TPTE2: variants seen among roughly 807,000 people sequenced by gnomAD.
TPTE2 encodes the protein transmembrane phosphoinositide 3-phosphatase and tensin homolog 2.
TPTE2 carries 53 observed loss-of-function variants against 78.6 expected under a neutral mutation model. The ratio of observed to expected loss-of-function variants is 0.67; its 90% CI spans 0.54 to 0.85. TPTE2 has a LOEUF of 0.85. Ranked by LOEUF, TPTE2 falls within the 40% of genes least tolerant of loss-of-function variation. TPTE2 has a pLI of 0.00. For missense variants in TPTE2, 461 were observed against 623.0 expected (o/e 0.74, Z 2.77); for synonymous variants, 175 against 206.2 (o/e 0.85, Z 1.30).
chr13:19,533,806 T>C (rs573753150), intron 1 of TPTE2, among the ~76,000 whole-genome samples: 7 of 152,320 alleles, frequency 4.6e-5, no homozygotes, highest in African/African-American at 1.4e-4. Flanking sequence ...GGAAAGCCAC[T>C]GTAGAATTGT....
chr13:19,523,213 A>G (rs1037238263), intron 1 of TPTE2, among the ~76,000 whole-genome samples: 2 of 152,020 alleles, frequency 1.3e-5, no homozygotes, highest in African/African-American at 2.4e-5. Context: ...AGATTGTAGG[A>G]TGTTGGTTTT....
At chr13:19,559,233 T>C in the TPTE2 span, among the ~76,000 whole-genome samples, 65 of 152,324 alleles carry the variant, frequency 4.3e-4, no homozygotes, top group African/African-American at 1.5e-3. Flanking sequence ...TCCACAATTT[T>C]CTTTTTGAGC....
intron 13 of TPTE2, among the ~76,000 whole-genome samples, chr13:19,448,537 G>A (rs1456108917): frequency 1.3e-5 from 2 of 152,130 alleles, no homozygotes; most frequent in African/African-American, 2.4e-5. Flanking sequence ...ATTTCCCAAC[G>A]GAAATGGCCA....
At chr13:19,537,218 G>A (rs147410920), upstream of TPTE2, among the ~76,000 whole-genome samples, 1,299 of 150,444 alleles carry the variant, frequency 8.6e-3, 27 homozygotes, top group African/African-American at 0.03. Flanking sequence ...ATTTTGGGGG[G>A]TTGTCTTCTA....
intron 1 of TPTE2, among the ~76,000 whole-genome samples, chr13:19,513,195 A>G (rs1869570435): frequency 6.6e-6 from 1 of 152,216 alleles, no homozygotes; most frequent in African/African-American, 2.4e-5. Flanking sequence ...ATAAAGCTCT[A>G]TGTAAGGTTG....
At chr13:19,446,300 T>A (rs1288153179) in intron 13 of TPTE2, among the ~76,000 whole-genome samples, 1 of 152,168 alleles carries the variant, frequency 6.6e-6, no homozygotes, top group East Asian at 1.9e-4. Context: ...TCAAACCATA[T>A]TATAAAGCTA....
At chr13:19,500,266 T>C (rs1868406366) in intron 1 of TPTE2, among the ~76,000 whole-genome samples, 1 of 147,214 alleles carries the variant, frequency 6.8e-6, no homozygotes, top group Admixed American at 6.8e-5. Flanking sequence ...TTCCAATCAA[T>C]AGAAAAAGAG....
chr13:19,495,192 C>T (rs577270611), intron 1 of TPTE2, among the ~76,000 whole-genome samples: 15 of 144,478 alleles, frequency 1.0e-4, no homozygotes, highest in Non-Finnish European at 2.1e-4. Context: ...CCAAAAGTTG[C>T]GGCCAAGTAG....
chr13:19,436,185 A>G, intron 15 of TPTE2, 41 bp downstream of exon 18: 1 of 1,526,098 alleles, frequency 6.6e-7, no homozygotes, highest in Non-Finnish European at 9.0e-7. Flanking sequence ...ATCTTAACCC[A>G]CTCCCCTAAA....
At chr13:19,454,459 T>C (rs548411101) in intron 10 of TPTE2, among the ~76,000 whole-genome samples, 50 of 152,340 alleles carry the variant, frequency 3.3e-4, no homozygotes, top group Admixed American at 2.9e-3. Flanking sequence ...CTCCATGGCC[T>C]GATTCCCAGC....
At chr13:19,514,035 C>T (rs1291207313) in intron 1 of TPTE2, among the ~76,000 whole-genome samples, 1 of 152,082 alleles carries the variant, frequency 6.6e-6, no homozygotes, top group African/African-American at 2.4e-5. Flanking sequence ...GGGACAGATA[C>T]AGGGTCTCTT....
At chr13:19,462,019 T>C (rs1416107641) in intron 10 of TPTE2, among the ~76,000 whole-genome samples, 1 of 151,574 alleles carries the variant, frequency 6.6e-6, no homozygotes, top group Non-Finnish European at 1.5e-5. Flanking sequence ...TCAAGGTTAC[T>C]ATTAATAGAT....
At chr13:19,490,520 C>T (rs1007172450) in intron 3 of TPTE2, among the ~76,000 whole-genome samples, 12 of 152,152 alleles carry the variant, frequency 7.9e-5, no homozygotes, top group African/African-American at 1.7e-4. Context: ...TTTCTTTACT[C>T]CTAAACCTCA....
upstream of TPTE2, among the ~76,000 whole-genome samples, chr13:19,504,125 G>A (rs1868828995): frequency 6.6e-6 from 1 of 152,060 alleles, no homozygotes; most frequent in African/African-American, 2.4e-5. Context: ...CAGCGCTACA[G>A]AATTTAAATA....
At chr13:19,432,498 T>C in exon 16 of TPTE2, 3 of 1,605,844 alleles carry the variant, frequency 1.9e-6, no homozygotes, top group Non-Finnish European at 2.5e-6. Flanking sequence ...TAATGAATCT[T>C]TTTATAAAGA....
In TPTE2 at chr13:19,493,505, G is replaced by A; in HGVS notation, c.12-4C>T. The A allele has an allele frequency of 6.2e-7, 1 of 1,613,396 alleles. No homozygotes were observed. The highest frequency in any genetic ancestry group is 8.5e-7 in the Non-Finnish European group (1 of 1,179,668). On this transcript the variant is annotated splice_region_variant and splice_polypyrimidine_tract_variant and intron_variant, in intron 1 of 19. Coordinates refer to ENST00000400230, the Ensembl canonical transcript of TPTE2. ...TTTAAATTCGTTTGTCTGTGGACTA[G>A]CGGATGATAAGAGAATACAGTCAGA... is the stretch of plus-strand genomic sequence containing the variant.
chr13:19,451,340 C>T, intron 10 of TPTE2, 115 bp from the exon 14 acceptor site: 3 of 1,299,734 alleles, frequency 2.3e-6, no homozygotes, highest in Non-Finnish European at 3.2e-6. Context: ...CTAGCATCTT[C>T]TAGGGGAGAT....
chr13:19,487,967 G>C (rs1466059796), intron 3 of TPTE2, among the ~76,000 whole-genome samples: 1 of 152,218 alleles, frequency 6.6e-6, no homozygotes, highest in Non-Finnish European at 1.5e-5. Flanking sequence ...TGGGGTGACA[G>C]GGATCTTCTG....
chr13:19,427,074 C>CTTTTTT (rs1483318899), intron 17 of TPTE2, among the ~76,000 whole-genome samples: 2 of 91,610 alleles, frequency 2.2e-5, no homozygotes, highest in African/African-American at 9.7e-5. Flanking sequence ...TTTTTCTTTT[C>CTTTTTT]TTTTCTTTTT....
Sources: allele counts gnomAD v4.1 joint callset (sites outside exome capture counted in the v4.1 genomes callset), GRCh38; gene constraint gnomAD v4.1.1; transcripts MANE v1.5; gene names NCBI Gene and HGNC (gene_info 2026-07-23, HGNC 2026-07-21).